TANGO6: variants seen among roughly 807,000 people sequenced by gnomAD.
TANGO6 encodes the protein transport and golgi organization 6 homolog, also known as transport and Golgi organization protein 6 homolog.
In TANGO6, 90 loss-of-function variants were observed where a neutral mutation model predicts 114.2. The ratio of observed to expected loss-of-function variants is 0.79; its 90% CI spans 0.66 to 0.94. TANGO6 has a LOEUF of 0.94. TANGO6 is among the 40% of genes least tolerant of loss of function. The pLI, the probability that TANGO6 is intolerant of heterozygous loss-of-function variation, is 0.00. For missense variants in TANGO6, 1,274 were observed against 1,315.3 expected (o/e 0.97, Z 0.49); for synonymous variants, 477 against 509.8 (o/e 0.94, Z 0.87).
intron 14 of TANGO6, among the ~76,000 whole-genome samples, chr16:68,964,053 T>C (rs912251749): frequency 2.6e-5 from 4 of 152,022 alleles, no homozygotes; most frequent in Non-Finnish European, 5.9e-5. Flanking sequence ...GCTGTTCTAC[T>C]TTGAAAGACA....
chr16:68,928,136 A>C, intron 13 of TANGO6, 53 bp downstream of exon 13: 1 of 1,481,850 alleles, frequency 6.7e-7, no homozygotes. Context: ...GCATTCATTC[A>C]ACTCAAGTAT....
chr16:69,040,115 C>T (rs1250393612), intron 16 of TANGO6, among the ~76,000 whole-genome samples, 193 bp from the exon 17 acceptor site: 1 of 152,168 alleles, frequency 6.6e-6, no homozygotes, highest in Non-Finnish European at 1.5e-5. Flanking sequence ...TTGCCCTCTA[C>T]CAGAAAAGTC....
rs537536549 is a variant in TANGO6 at position 68,882,882 on chromosome 16, G to A, written c.1377+2252G>A. The stretch of plus-strand genomic sequence containing the variant: ...AAATACAAAAAATTAGCCGGACGTT[G>A]TGGTACGCGCCTGTAGTCCGAGCTA... On this transcript the variant is annotated intron_variant, in intron 7 of 17. Coordinates refer to ENST00000261778, the MANE Select transcript of TANGO6 (RefSeq NM_024562.2). 1.1e-4 allele frequency among the ~76,000 whole-genome samples: 17 copies of A among 152,256 alleles called. No homozygotes were observed. The East Asian group carries it at 2.9e-3, about 26-fold the overall frequency.
chr16:69,013,526 A>C lies in TANGO6; in HGVS notation c.2843-9302A>C, dbSNP rs189228514. 1.2e-3 allele frequency among the ~76,000 whole-genome samples: 179 copies of C among 151,946 alleles called. 2 individuals are homozygous for C. The highest frequency in any genetic ancestry group is 0.01 in the Admixed American group (159 of 15,238). On this transcript the variant is annotated intron_variant, in intron 15 of 17. Transcript: ENST00000261778. ...CAGCTACTCAGGAGGCTAAGGTAAA[A>C]GAATCACTTGAACCTGGGAGGTCAA...
chr16:68,993,086 A>G (rs1368730060), intron 15 of TANGO6, among the ~76,000 whole-genome samples: 3 of 152,146 alleles, frequency 2.0e-5, no homozygotes, highest in African/African-American at 4.8e-5. Flanking sequence ...AAGAAAAGAA[A>G]AAAGAAAAAT....
chr16:68,856,027 A>C (rs1961985090), intron 1 of TANGO6, among the ~76,000 whole-genome samples: 1 of 151,886 alleles, frequency 6.6e-6, no homozygotes, highest in East Asian at 1.9e-4. Context: ...TAGTTGTTTT[A>C]TAGAGTCCTT....
intron 17 of TANGO6, among the ~76,000 whole-genome samples, chr16:69,049,486 CA>C (rs1371827016): frequency 2.0e-5 from 3 of 151,542 alleles, no homozygotes; most frequent in Non-Finnish European, 4.4e-5. Context: ...AGCTGGTGTA[CA>C]ATGGCGCCAT....
At chr16:68,866,335 T>A (rs180714392) in intron 3 of TANGO6, among the ~76,000 whole-genome samples, 1 of 152,042 alleles carries the variant, frequency 6.6e-6, no homozygotes, top group African/African-American at 2.4e-5. Context: ...TTTTAAAAAA[T>A]AATGTCGGCC....
At chr16:68,862,627 A>G (rs1201135513) in intron 2 of TANGO6, among the ~76,000 whole-genome samples, 2 of 152,220 alleles carry the variant, frequency 1.3e-5, no homozygotes, top group Non-Finnish European at 2.9e-5. Context: ...GAGCAGAAGA[A>G]AATGTGCAGT....
intron 14 of TANGO6, among the ~76,000 whole-genome samples, chr16:68,955,552 G>A (rs1359229011): frequency 3.3e-5 from 5 of 152,190 alleles, no homozygotes; most frequent in African/African-American, 1.2e-4. Context: ...ATGCTGAGAC[G>A]ATCAGTTGGG....
At chr16:68,978,166 C>T (rs1963783458) in intron 15 of TANGO6, among the ~76,000 whole-genome samples, 1 of 152,082 alleles carries the variant, frequency 6.6e-6, no homozygotes, top group Non-Finnish European at 1.5e-5. Context: ...AGAATATAAA[C>T]CATACATAGA....
intron 15 of TANGO6, among the ~76,000 whole-genome samples, chr16:68,982,629 C>CATTTTTTTTTTTT (rs1567553024): frequency 1.1e-4 from 13 of 120,538 alleles, no homozygotes; most frequent in African/African-American, 4.0e-4. Flanking sequence ...CATGCCCTGG[C>CATTTTTTTTTTTT]CTTTTTTTTT....
chr16:68,988,575 A>G (rs1963918227), intron 15 of TANGO6, among the ~76,000 whole-genome samples: 1 of 148,920 alleles, frequency 6.7e-6, no homozygotes, highest in Admixed American at 6.7e-5. Flanking sequence ...ATTTTCTCCC[A>G]TTTTTTCTTC....
chr16:68,848,425 G>A (rs17690601), intron 1 of TANGO6, among the ~76,000 whole-genome samples: 16,629 of 151,446 alleles, frequency 0.11, 924 homozygotes, highest in Non-Finnish European at 0.13. Flanking sequence ...AATTCAGAGC[G>A]TATTATTTTT....
At chr16:68,868,558 C>T (rs1359563199) in intron 4 of TANGO6, among the ~76,000 whole-genome samples, 1 of 140,306 alleles carries the variant, frequency 7.1e-6, no homozygotes, top group South Asian at 2.2e-4. Flanking sequence ...AGCGCAGTGG[C>T]GTGATCTTGG....
intron 11 of TANGO6, among the ~76,000 whole-genome samples, chr16:68,911,568 C>T (rs1251121574): frequency 6.6e-6 from 1 of 152,066 alleles, no homozygotes; most frequent in African/African-American, 2.4e-5. Context: ...AGGCACATGC[C>T]ACCACGCCTG....
At chr16:69,040,224 G>C (rs1959751140) in intron 16 of TANGO6, 84 bp from the exon 17 acceptor site, 3 of 1,168,826 alleles carry the variant, frequency 2.6e-6, no homozygotes, top group Middle Eastern at 2.3e-4. Flanking sequence ...TGATGAATGT[G>C]TAGTAAGTGG....
intron 1 of TANGO6, among the ~76,000 whole-genome samples, chr16:68,849,787 T>A (rs2152149861): frequency 6.6e-6 from 1 of 152,298 alleles, no homozygotes; most frequent in South Asian, 2.1e-4. Flanking sequence ...TATTTCCAAT[T>A]GAAATGAAAT....
At chr16:68,897,241 A>G (rs550194268) in intron 7 of TANGO6, among the ~76,000 whole-genome samples, 11 of 152,158 alleles carry the variant, frequency 7.2e-5, no homozygotes, top group South Asian at 4.1e-4. Flanking sequence ...CTCTTTCTGC[A>G]TGCTCTTCCC....
Sources: allele counts gnomAD v4.1 joint callset (sites outside exome capture counted in the v4.1 genomes callset), GRCh38; gene constraint gnomAD v4.1.1; transcripts MANE v1.5; gene names NCBI Gene and HGNC (gene_info 2026-07-23, HGNC 2026-07-21).